ROBO1: variants seen among roughly 807,000 people sequenced by gnomAD.
ROBO1 encodes the protein roundabout homolog 1.
Under a neutral mutation model 195.9 loss-of-function variants are expected in ROBO1, and 149 were observed. The observed-to-expected ratio is 0.76, with a 90% CI of 0.67 to 0.87. The LOEUF (loss-of-function observed/expected upper bound fraction) is 0.87. Among genes scored for constraint, ROBO1 ranks in the 40% least tolerant of loss-of-function variants. ROBO1 has a pLI of 0.00. For synonymous variants in ROBO1, 816 were observed against 733.2 expected, an observed-to-expected ratio of 1.11 and a Z score of -1.82; for missense variants, 1,933 against 2,068.3, an observed-to-expected ratio of 0.93 and a Z score of 1.27.
chr3:79,624,601 A>G (rs1367589717), intron 1 of ROBO1, among the ~76,000 whole-genome samples: 2 of 152,182 alleles, frequency 1.3e-5, no homozygotes, highest in Non-Finnish European at 2.9e-5. Context: ...AAAGGCAAAG[A>G]AGGGCATTAT....
intron 3 of ROBO1, among the ~76,000 whole-genome samples, chr3:78,941,479 G>A (rs1357098393): frequency 6.6e-6 from 1 of 152,158 alleles, no homozygotes; most frequent in Non-Finnish European, 1.5e-5. Context: ...TGACTGCTGA[G>A]GAGATATTTA....
intron 4 of ROBO1, chr3:78,938,343 A>C (rs894706973): frequency 2.1e-5 from 9 of 426,416 alleles, no homozygotes; most frequent in African/African-American, 1.6e-4. Context: ...AATTTTAATA[A>C]AACTTTCCAA....
At chr3:78,776,417 A>G (rs1576142839) in intron 4 of ROBO1, among the ~76,000 whole-genome samples, 3 of 152,038 alleles carry the variant, frequency 2.0e-5, no homozygotes, top group Admixed American at 1.3e-4. Flanking sequence ...ACACCCAGCT[A>G]ATTGTGTAGT....
At chr3:78,877,030 CAAG>C (rs1165762575) in intron 4 of ROBO1, among the ~76,000 whole-genome samples, 1 of 152,030 alleles carries the variant, frequency 6.6e-6, no homozygotes, top group African/African-American at 2.4e-5. Flanking sequence ...AGGACATAAG[CAAG>C]AAGTATTATC....
intron 2 of ROBO1, among the ~76,000 whole-genome samples, chr3:79,347,164 C>T (rs995292169): frequency 2.0e-5 from 3 of 152,032 alleles, no homozygotes; most frequent in East Asian, 1.9e-4. Flanking sequence ...TAATACAAAG[C>T]AAATGGAGGG....
chr3:78,809,287 A>G (rs1399067108), intron 4 of ROBO1, among the ~76,000 whole-genome samples: 2 of 152,194 alleles, frequency 1.3e-5, no homozygotes, highest in East Asian at 1.9e-4. Flanking sequence ...CAAAACCACT[A>G]TGAGATGCCA....
In ROBO1 at chr3:78,636,621, G is replaced by T. The variant is rs532780502; in HGVS notation, c.3038-513C>A. Among the ~76,000 whole-genome samples the T allele has an allele frequency of 3.3e-5, 5 of 151,922 alleles. No individual in the cohort carries two copies. The South Asian group carries it at 1.0e-3, about 32-fold the overall frequency. On this transcript the variant is annotated intron_variant, in intron 22 of 30. Transcript: ENST00000464233. ...AAATACCTACATTTAAAAGATATGGGAACAGGGGTAAAATGATAGTAAATG... is the reference window on the plus strand; with the variant it reads ...AAATACCTACATTTAAAAGATATGGTAACAGGGGTAAAATGATAGTAAATG...
intron 2 of ROBO1, among the ~76,000 whole-genome samples, chr3:79,171,779 A>G (rs1025696217): frequency 6.6e-5 from 10 of 152,104 alleles, no homozygotes; most frequent in African/African-American, 2.4e-4. Context: ...AAAAGTCAGG[A>G]AAAATTAACA....
chr3:79,648,890 A>G (rs577030239), intron 1 of ROBO1, among the ~76,000 whole-genome samples: 20 of 152,222 alleles, frequency 1.3e-4, no homozygotes, highest in East Asian at 1.9e-4. Context: ...CTCAATGGCC[A>G]TATTAGAAAG....
intron 2 of ROBO1, among the ~76,000 whole-genome samples, chr3:79,377,180 A>G (rs904411282): frequency 3.3e-5 from 5 of 152,138 alleles, no homozygotes; most frequent in Non-Finnish European, 7.4e-5. Context: ...CCCCTAATTT[A>G]TTAAAAAAGA....
In ROBO1 at chr3:79,019,567, T is replaced by G. The variant is rs75057725; in HGVS notation, c.173-80640A>C. The G allele has an allele frequency of 3.3e-4, 326 of 985,330 alleles. 5 individuals are homozygous for G. Among genetic ancestry groups the G allele is most frequent in the Admixed American group, 1.2e-4 (2 of 16,262 alleles). The allele number at this position is 985,330 out of a possible 1,614,324, so 61.0% of individuals were successfully genotyped here. The stretch of plus-strand genomic sequence containing the variant: ...GTGGTCCTTTCCATGCTTCACTCTA[T>G]TCTCCAGGCGCTGGTCAGGCAAGTT... On this transcript the variant is annotated intron_variant, in intron 3 of 30. Coordinates refer to ENST00000464233, the MANE Select transcript of ROBO1 (RefSeq NM_002941.4).
At chr3:79,393,697 G>T (rs1325333243) in intron 2 of ROBO1, among the ~76,000 whole-genome samples, 1 of 152,130 alleles carries the variant, frequency 6.6e-6, no homozygotes, top group Non-Finnish European at 1.5e-5. Flanking sequence ...AGGAGTGATT[G>T]TTATAAAGGG....
intron 1 of ROBO1, among the ~76,000 whole-genome samples, chr3:79,594,364 A>G (rs1944097987): frequency 6.6e-6 from 1 of 152,076 alleles, no homozygotes; most frequent in Non-Finnish European, 1.5e-5. Flanking sequence ...GTGTACATAA[A>G]GTGCCTATTT....
At chr3:79,342,037 C>G (rs1378453692) in intron 2 of ROBO1, among the ~76,000 whole-genome samples, 3 of 152,028 alleles carry the variant, frequency 2.0e-5, no homozygotes, top group African/African-American at 4.8e-5. Context: ...AAGGGAAACT[C>G]AAAGCCATGG....
At chr3:78,610,841 A>C (rs902828468) in intron 28 of ROBO1, among the ~76,000 whole-genome samples, 1 of 152,162 alleles carries the variant, frequency 6.6e-6, no homozygotes, top group Non-Finnish European at 1.5e-5. Context: ...TTCTTATATA[A>C]ACAGATTGCC....
At chr3:79,112,674 G>A (rs1014880926) in intron 3 of ROBO1, among the ~76,000 whole-genome samples, 10 of 151,508 alleles carry the variant, frequency 6.6e-5, no homozygotes, top group Non-Finnish European at 1.5e-4. Context: ...ACCAAACACC[G>A]CATGTTCTCA....
At chr3:79,605,112 G>A (rs887987355) in intron 1 of ROBO1, among the ~76,000 whole-genome samples, 4 of 151,926 alleles carry the variant, frequency 2.6e-5, no homozygotes, top group African/African-American at 9.7e-5. Context: ...ATGCTAAAAA[G>A]GAATTGTCCG....
In ROBO1 at chr3:79,053,237, A is replaced by C. The variant is rs111401011; in HGVS notation, c.172+72219T>G. Among the ~76,000 whole-genome samples, 1,319 of 151,478 alleles carry C rather than the reference A, an allele frequency of 8.7e-3. 22 individuals are homozygous for C. Among genetic ancestry groups the C allele is most frequent in the African/African-American group, 0.03 (1,246 of 41,302 alleles). On this transcript the variant is annotated intron_variant, in intron 3 of 30. Transcript: ENST00000464233. The stretch of plus-strand genomic sequence containing the variant: ...CTGACGACCCTCCACCTCTTCCTCA[A>C]CCTTCCTCTCCCACACGGCCTTTGT...
intron 3 of ROBO1, among the ~76,000 whole-genome samples, chr3:79,111,421 T>G (rs1484980136): frequency 6.6e-6 from 1 of 152,148 alleles, no homozygotes; most frequent in African/African-American, 2.4e-5. Context: ...TTACACTACT[T>G]TTCCCTTGCC....
Sources: allele counts gnomAD v4.1 joint callset (sites outside exome capture counted in the v4.1 genomes callset), GRCh38; gene constraint gnomAD v4.1.1; transcripts MANE v1.5; gene names NCBI Gene and HGNC (gene_info 2026-07-23, HGNC 2026-07-21).